Variants in SORCS1 observed in about 807,000 individuals in gnomAD.
SORCS1 encodes VPS10 domain-containing receptor SorCS1.
Under a neutral mutation model 146.1 loss-of-function variants are expected in SORCS1, and 60 were observed. That is an observed-to-expected ratio of 0.41 (90% CI 0.33 to 0.51). SORCS1 has a LOEUF of 0.51. SORCS1 is among the 20% of genes least tolerant of loss of function. SORCS1 has a pLI of 0.21. For missense variants in SORCS1, 1,352 were observed against 1,487.6 expected (o/e 0.91, Z 1.50); for synonymous variants, 637 against 584.0 (o/e 1.09, Z -1.31).
chr10:106,899,793 A>G (rs1302703435), intron 2 of SORCS1, among the ~76,000 whole-genome samples: 6 of 152,086 alleles, frequency 3.9e-5, no homozygotes, highest in African/African-American at 7.2e-5. Context: ...TGGCACCAGC[A>G]TGGATCTTTA....
chr10:106,921,422 A>G (rs950816030), intron 2 of SORCS1, among the ~76,000 whole-genome samples: 61 of 152,234 alleles, frequency 4.0e-4, no homozygotes, highest in African/African-American at 1.3e-3. Flanking sequence ...ACTTCAGAGC[A>G]TAATTTCATC....
chr10:107,034,378 A>G (rs1958796837), intron 1 of SORCS1, among the ~76,000 whole-genome samples: 1 of 151,938 alleles, frequency 6.6e-6, no homozygotes, highest in Admixed American at 6.6e-5. Context: ...TCATATATCA[A>G]TTAAAAAACA....
rs145064921 is a variant in SORCS1 at position 106,854,823 on chromosome 10, ATG to A, written c.627-25152_627-25151del. ...TGTACATAAGCATACCTAAGTGTGT[ATG>A]TGTGTGTGTATATATATACATGAGC... On this transcript the variant is annotated intron_variant, in intron 2 of 25. Coordinates refer to ENST00000263054, the MANE Select transcript of SORCS1 (RefSeq NM_052918.5). Among the ~76,000 whole-genome samples the A allele has an allele frequency of 3.1e-3, 465 of 152,160 alleles. 3 individuals carry two copies. The highest frequency in any genetic ancestry group is 0.013 in the East Asian group (65 of 5,178).
At chr10:106,979,060 G>A (rs1956150238) in intron 1 of SORCS1, among the ~76,000 whole-genome samples, 1 of 152,082 alleles carries the variant, frequency 6.6e-6, no homozygotes, top group African/African-American at 2.4e-5. Context: ...TAAATGTACT[G>A]GTATAAAATT....
chr10:106,844,213 G>A (rs189479781), intron 2 of SORCS1, among the ~76,000 whole-genome samples: 1 of 151,882 alleles, frequency 6.6e-6, no homozygotes, highest in Non-Finnish European at 1.5e-5. Flanking sequence ...CGTGTTCTTT[G>A]CCCATTTTTA....
chr10:106,708,558 A>C (rs1402652746), intron 7 of SORCS1, among the ~76,000 whole-genome samples: 1 of 152,244 alleles, frequency 6.6e-6, no homozygotes, highest in Non-Finnish European at 1.5e-5. Context: ...GCTGAAAAGC[A>C]GTGCAGCGTA....
chr10:106,941,871 C>A (rs1393528345), intron 2 of SORCS1, among the ~76,000 whole-genome samples: 1 of 152,186 alleles, frequency 6.6e-6, no homozygotes, highest in South Asian at 2.1e-4. Context: ...TGTGGTTAAT[C>A]TGTAAGTCTT....
rs561041308 is a variant in SORCS1, at chr10:106,780,573, G to A, written c.727-3881C>T. ...AATAAAGGAATGAATAAATGAATGA[G>A]TCCTTTTCATTCCTGCCTTCTGCTG... On this transcript the variant is annotated intron_variant, in intron 3 of 25. Coordinates refer to ENST00000263054, the MANE Select transcript of SORCS1 (RefSeq NM_052918.5). 2.6e-5 allele frequency among the ~76,000 whole-genome samples: 4 copies of A among 152,318 alleles called. No homozygotes were observed. In the South Asian group the frequency reaches 6.2e-4, roughly 24 times the overall value.
intron 2 of SORCS1, among the ~76,000 whole-genome samples, chr10:106,944,708 A>G (rs957034123): frequency 6.6e-6 from 1 of 152,052 alleles, no homozygotes; most frequent in East Asian, 1.9e-4. Context: ...AATTTCCTGG[A>G]CACAGAAAAT....
At chr10:106,998,082 A>G (rs1957073080) in intron 1 of SORCS1, among the ~76,000 whole-genome samples, 1 of 152,236 alleles carries the variant, frequency 6.6e-6, no homozygotes, top group South Asian at 2.1e-4. Context: ...TTAATGTGCA[A>G]AGCCTCCTTG....
chr10:107,126,292 T>C (rs1330449790), intron 1 of SORCS1, among the ~76,000 whole-genome samples: 5 of 151,942 alleles, frequency 3.3e-5, no homozygotes, highest in African/African-American at 7.2e-5. Context: ...AAATTACAAG[T>C]AAACACTTAG....
intron 24 of SORCS1, among the ~76,000 whole-genome samples, chr10:106,595,132 C>T (rs1488067310): frequency 6.6e-6 from 1 of 152,174 alleles, no homozygotes; most frequent in Admixed American, 6.5e-5. Flanking sequence ...CAGTCAGGAC[C>T]ATCAAATGCC....
chr10:106,885,600 G>A (rs932364230), intron 2 of SORCS1, among the ~76,000 whole-genome samples: 6 of 152,162 alleles, frequency 3.9e-5, no homozygotes, highest in African/African-American at 1.4e-4. Context: ...CTCAGAATAG[G>A]GGAAGCAAGG....
chr10:106,713,487 C>T (rs963357139), intron 6 of SORCS1, among the ~76,000 whole-genome samples: 1 of 150,470 alleles, frequency 6.6e-6, no homozygotes, highest in African/African-American at 2.5e-5. Context: ...TAATAACATA[C>T]CCTTTTCATG....
intron 3 of SORCS1, among the ~76,000 whole-genome samples, chr10:106,786,913 A>T (rs143897353): frequency 6.6e-6 from 1 of 152,306 alleles, no homozygotes; most frequent in Non-Finnish European, 1.5e-5. Flanking sequence ...AAAAATTCTA[A>T]TCTGTTATCA....
At chr10:106,662,122 C>A (rs1258235062) in intron 17 of SORCS1, among the ~76,000 whole-genome samples, 1 of 152,198 alleles carries the variant, frequency 6.6e-6, no homozygotes, top group Non-Finnish European at 1.5e-5. Context: ...AATTGTGCAA[C>A]CATTCACTTC....
At chr10:107,085,695 C>T (rs577787423) in intron 1 of SORCS1, among the ~76,000 whole-genome samples, 1 of 152,294 alleles carries the variant, frequency 6.6e-6, no homozygotes, top group African/African-American at 2.4e-5. Flanking sequence ...AGTTTGTTGA[C>T]ACCCAAACAT....
intron 5 of SORCS1, 51 bp downstream of exon 5, chr10:106,761,537 A>T: frequency 6.6e-7 from 1 of 1,513,098 alleles, no homozygotes; most frequent in Non-Finnish European, 9.2e-7. Context: ...TTACTAGGTC[A>T]TATCTGACTA....
chr10:106,779,053 C>T (rs1860686282), intron 3 of SORCS1, among the ~76,000 whole-genome samples: 1 of 149,018 alleles, frequency 6.7e-6, no homozygotes, highest in South Asian at 2.3e-4. Flanking sequence ...GAGTAACGCA[C>T]ATATTTCCCA....
Sources: gnomAD v4.1 joint callset for allele counts (sites outside exome capture counted in the v4.1 genomes callset) on GRCh38, gnomAD v4.1.1 for gene constraint, MANE v1.5 for transcripts, NCBI Gene and HGNC (gene_info 2026-07-23, HGNC 2026-07-21) for gene names.